Variants in SCD5 observed in about 807,000 individuals in gnomAD.
The protein encoded by SCD5 is stearoyl-CoA desaturase 5.
Under a neutral mutation model 30.4 loss-of-function variants are expected in SCD5, and 20 were observed. That is an observed-to-expected ratio of 0.66 (90% CI 0.46 to 0.96). The LOEUF (loss-of-function observed/expected upper bound fraction) is 0.96, where lower values mean the gene tolerates loss of function less well. Ranked by LOEUF, SCD5 falls within the 40% of genes least tolerant of loss-of-function variation. The pLI, the probability that SCD5 is intolerant of heterozygous loss-of-function variation, is 0.00. For missense variants in SCD5, 381 were observed against 443.3 expected (o/e 0.86, Z 1.26); for synonymous variants, 173 against 176.4 (o/e 0.98, Z 0.16).
chr4:82,757,866 C>T (rs1411029373), intron 1 of SCD5, among the ~76,000 whole-genome samples: 1 of 152,194 alleles, frequency 6.6e-6, no homozygotes, highest in Non-Finnish European at 1.5e-5. Flanking sequence ...CAACAGGATG[C>T]ATTTTTTTAA....
chr4:82,689,831 G>A (rs1728793125), intron 2 of SCD5, among the ~76,000 whole-genome samples: 1 of 152,180 alleles, frequency 6.6e-6, no homozygotes, highest in Admixed American at 6.5e-5. Context: ...ATGTGACAAA[G>A]TGATGTCATG....
intron 1 of SCD5, among the ~76,000 whole-genome samples, chr4:82,795,111 T>C (rs554289279): frequency 2.0e-5 from 3 of 152,168 alleles, no homozygotes; most frequent in African/African-American, 7.2e-5. Context: ...AACTAACAAT[T>C]TGATGGCTCT....
At chr4:82,747,375 A>G (rs1721018637) in intron 1 of SCD5, among the ~76,000 whole-genome samples, 1 of 152,184 alleles carries the variant, frequency 6.6e-6, no homozygotes. Flanking sequence ...TTAGAGCCAG[A>G]GCTCACACAG....
intron 3 of SCD5, among the ~76,000 whole-genome samples, chr4:82,674,786 CAGCACGAAAA>C: frequency 1.3e-5 from 2 of 152,222 alleles, no homozygotes; most frequent in Non-Finnish European, 2.9e-5. Flanking sequence ...GGTCATTATT[CAGCACGAAAA>C]AGAAATGAGC....
intron 2 of SCD5, among the ~76,000 whole-genome samples, chr4:82,701,654 T>C (rs954073303): frequency 6.6e-6 from 1 of 152,248 alleles, no homozygotes; most frequent in Non-Finnish European, 1.5e-5. Context: ...GAGAAGTCAC[T>C]GGTATTCTCT....
At chr4:82,781,032 C>A (rs1044530167) in intron 1 of SCD5, among the ~76,000 whole-genome samples, 1 of 152,186 alleles carries the variant, frequency 6.6e-6, no homozygotes, top group Non-Finnish European at 1.5e-5. Flanking sequence ...GGGAGAGAAA[C>A]GCAGCAGGGC....
At chr4:82,792,246 A>G (rs536147120) in intron 1 of SCD5, among the ~76,000 whole-genome samples, 1 of 151,230 alleles carries the variant, frequency 6.6e-6, no homozygotes, top group South Asian at 2.1e-4. Flanking sequence ...CTGGGTAACA[A>G]GAACAAAACT....
chr4:82,744,819 A>G (rs556208762), intron 1 of SCD5, among the ~76,000 whole-genome samples: 1 of 151,990 alleles, frequency 6.6e-6, no homozygotes, highest in South Asian at 2.1e-4. Flanking sequence ...GCCCCACTAG[A>G]TACCATCTTA....
intron 2 of SCD5, among the ~76,000 whole-genome samples, chr4:82,698,270 G>C (rs1719740007): frequency 6.6e-6 from 1 of 152,166 alleles, no homozygotes; most frequent in African/African-American, 2.4e-5. Flanking sequence ...ATAAGGTTAA[G>C]GATTCCTGAG....
chr4:82,754,802 T>C (rs1045747927), intron 1 of SCD5, among the ~76,000 whole-genome samples: 8 of 152,142 alleles, frequency 5.3e-5, no homozygotes, highest in Non-Finnish European at 1.2e-4. Context: ...CTTTTATTTT[T>C]AACACTGGGA....
chr4:82,644,864 C>T (rs1727607554), intron 3 of SCD5, among the ~76,000 whole-genome samples: 1 of 152,196 alleles, frequency 6.6e-6, no homozygotes, highest in African/African-American at 2.4e-5. Flanking sequence ...AGGTCATTCC[C>T]TGAGCTTCCA....
rs546912093 is a variant in SCD5 at position 82,790,236 on chromosome 4, T to C, written c.232+8070A>G. Among the ~76,000 whole-genome samples, 4 of 152,158 alleles carry C rather than the reference T, an allele frequency of 2.6e-5. No homozygotes were observed. The South Asian group carries it at 8.3e-4, about 32-fold the overall frequency. ...TCCTCCACACTAGAAATCATTGTTA[T>C]GTGCGACGGGCTGAGAGGAGGAGGT... On this transcript the variant is annotated intron_variant, in intron 1 of 4. Transcript: ENST00000319540.
At chr4:82,664,999 C>CTCTCTCTCTATATATATA (rs1219554314) in intron 3 of SCD5, among the ~76,000 whole-genome samples, 28 of 70,458 alleles carry the variant, frequency 4.0e-4, no homozygotes, top group South Asian at 1.5e-3. Flanking sequence ...CTCTCTCTCT[C>CTCTCTCTCTATATATATA]TATATATATA....
At chr4:82,751,222 G>T (rs893552113) in intron 1 of SCD5, among the ~76,000 whole-genome samples, 1 of 152,156 alleles carries the variant, frequency 6.6e-6, no homozygotes, top group African/African-American at 2.4e-5. Flanking sequence ...TAGAGACAGA[G>T]TCTCACTCTG....
At chr4:82,742,004 C>T (rs28461533) in intron 1 of SCD5, among the ~76,000 whole-genome samples, 8,792 of 149,630 alleles carry the variant, frequency 0.059, 344 homozygotes, top group South Asian at 0.11. Context: ...GGCGTGAAAC[C>T]GGGAGGTGGA....
chr4:82,770,557 A>G lies in SCD5; in HGVS notation c.232+27749T>C, dbSNP rs145488701. 9.2e-3 allele frequency among the ~76,000 whole-genome samples: 1,405 copies of G among 152,358 alleles called. 11 individuals carry two copies. The highest frequency in any genetic ancestry group is 0.031 in the Middle Eastern group (9 of 294). ...AGAGAAAACAGCCCACTTGTATTTTATTTCAAATCCTCTTTATTCAGGGAA... is the reference window on the plus strand; with the variant it reads ...AGAGAAAACAGCCCACTTGTATTTTGTTTCAAATCCTCTTTATTCAGGGAA... On this transcript the variant is annotated intron_variant, in intron 1 of 4. Coordinates refer to ENST00000319540, the MANE Select transcript of SCD5 (RefSeq NM_001037582.3).
At chr4:82,786,562 A>G (rs187588653) in intron 1 of SCD5, among the ~76,000 whole-genome samples, 172 of 152,166 alleles carry the variant, frequency 1.1e-3, no homozygotes, top group African/African-American at 4.0e-3. Context: ...CACTTTGGGA[A>G]GCCGAGGTGG....
chr4:82,677,836 C>A (rs1352680770), intron 3 of SCD5, among the ~76,000 whole-genome samples: 1 of 152,064 alleles, frequency 6.6e-6, no homozygotes, highest in Non-Finnish European at 1.5e-5. Context: ...GGATGTATTA[C>A]ACAAACACAC....
intron 1 of SCD5, among the ~76,000 whole-genome samples, chr4:82,719,766 G>A (rs1439991242): frequency 1.3e-5 from 2 of 150,958 alleles, no homozygotes; most frequent in African/African-American, 4.9e-5. Flanking sequence ...GCCTCCCAAA[G>A]TGCTGGGATT....
Sources: gnomAD v4.1 joint callset for allele counts (sites outside exome capture counted in the v4.1 genomes callset) on GRCh38, gnomAD v4.1.1 for gene constraint, MANE v1.5 for transcripts, NCBI Gene and HGNC (gene_info 2026-07-23, HGNC 2026-07-21) for gene names.